GPC5: variants seen among roughly 807,000 people sequenced by gnomAD.
The protein encoded by GPC5 is glypican 5.
A neutral mutation model predicts 53.9 loss-of-function variants in GPC5; 47 were observed. The ratio of observed to expected loss-of-function variants is 0.87; its 90% CI spans 0.69 to 1.11. The LOEUF is 1.11. GPC5 is among the 50% of genes most tolerant of loss of function. The pLI is 0.00. For missense variants in GPC5, 748 were observed against 713.1 expected, an observed-to-expected ratio of 1.05 and a Z score of -0.56; for synonymous variants, 286 against 263.3, an observed-to-expected ratio of 1.09 and a Z score of -0.84.
intron 7 of GPC5, among the ~76,000 whole-genome samples, chr13:92,483,817 G>A (rs985835210): frequency 2.4e-4 from 36 of 149,482 alleles, no homozygotes; most frequent in African/African-American, 6.9e-4. Flanking sequence ...TATTAAAAGC[G>A]AAGACACAAA....
chr13:91,939,957 C>A (rs907913532), intron 6 of GPC5, among the ~76,000 whole-genome samples: 2 of 152,086 alleles, frequency 1.3e-5, no homozygotes, highest in African/African-American at 4.8e-5. Context: ...CTGTTTAGAC[C>A]TCCCATCTTT....
At chr13:91,859,165 T>C (rs968317114) in intron 5 of GPC5, among the ~76,000 whole-genome samples, 5 of 151,904 alleles carry the variant, frequency 3.3e-5, no homozygotes, top group Admixed American at 6.6e-5. Context: ...TTATCTTCAT[T>C]CTTTCCTTTC....
chr13:91,743,259 T>A (rs2036975480), intron 4 of GPC5, among the ~76,000 whole-genome samples: 1 of 152,182 alleles, frequency 6.6e-6, no homozygotes, highest in Non-Finnish European at 1.5e-5. Context: ...TTTACTGAAC[T>A]TCTAGAAGAG....
intron 6 of GPC5, among the ~76,000 whole-genome samples, chr13:91,934,929 G>T (rs905596230): frequency 6.6e-6 from 1 of 151,890 alleles, no homozygotes; most frequent in Non-Finnish European, 1.5e-5. Context: ...TAATAGATAC[G>T]CATAATAGAT....
chr13:92,424,937 G>T (rs1407655763), intron 7 of GPC5, among the ~76,000 whole-genome samples: 2 of 152,026 alleles, frequency 1.3e-5, no homozygotes, highest in African/African-American at 4.8e-5. Context: ...GCTTCAAAGG[G>T]CAAGTAGATG....
intron 2 of GPC5, among the ~76,000 whole-genome samples, chr13:91,607,131 A>T (rs1232371814): frequency 6.6e-6 from 1 of 152,142 alleles, no homozygotes; most frequent in East Asian, 1.9e-4. Flanking sequence ...CCTTCTGAGG[A>T]AATATTTGAA....
At chr13:92,430,521 A>C (rs1051715681) in intron 7 of GPC5, among the ~76,000 whole-genome samples, 1 of 152,134 alleles carries the variant, frequency 6.6e-6, no homozygotes, top group African/African-American at 2.4e-5. Flanking sequence ...TGAAACAGAC[A>C]TATCTGAGCC....
intron 6 of GPC5, among the ~76,000 whole-genome samples, chr13:91,966,954 A>G (rs2040186688): frequency 6.6e-6 from 1 of 152,198 alleles, no homozygotes; most frequent in Non-Finnish European, 1.5e-5. Flanking sequence ...ACTATTTCCT[A>G]TATGTTAAAG....
intron 7 of GPC5, among the ~76,000 whole-genome samples, chr13:92,741,665 C>T (rs1380946343): frequency 6.6e-6 from 1 of 151,944 alleles, no homozygotes; most frequent in Non-Finnish European, 1.5e-5. Flanking sequence ...TATACATGTG[C>T]CATGTTGCTG....
At chr13:91,897,701 A>G (rs968022525) in intron 5 of GPC5, among the ~76,000 whole-genome samples, 1 of 152,206 alleles carries the variant, frequency 6.6e-6, no homozygotes, top group Non-Finnish European at 1.5e-5. Flanking sequence ...AAGGAAAAAA[A>G]TTCCATTAAA....
Position 92,732,685 on chromosome 13 carries a change from A to G in GPC5, c.1562-133597A>G, listed in dbSNP as rs142309749. Among the ~76,000 whole-genome samples the G allele has an allele frequency of 6.1e-3, 927 of 151,860 alleles. 12 individuals carry two copies. The highest frequency in any genetic ancestry group is 0.021 in the African/African-American group (885 of 41,514). ...AGACAATTCCTTGAAGATAATTCAC[A>G]TCTTAAGGAATGAAAGAAGTTAATC... On this transcript the variant is annotated intron_variant, in intron 7 of 7. Transcript: ENST00000377067.
At chr13:91,982,048 G>T (rs925654696) in intron 6 of GPC5, among the ~76,000 whole-genome samples, 8 of 152,132 alleles carry the variant, frequency 5.3e-5, no homozygotes, top group Non-Finnish European at 1.0e-4. Context: ...TAGTAGATAC[G>T]TAATCCAAAA....
At chr13:92,513,630 A>G (rs1426331943) in intron 7 of GPC5, among the ~76,000 whole-genome samples, 1 of 151,124 alleles carries the variant, frequency 6.6e-6, no homozygotes, top group Non-Finnish European at 1.5e-5. Flanking sequence ...AAATGGTTTT[A>G]CAGGTTGAGT....
intron 7 of GPC5, among the ~76,000 whole-genome samples, chr13:92,498,394 G>A (rs1255557946): frequency 6.6e-6 from 1 of 152,072 alleles, no homozygotes; most frequent in Non-Finnish European, 1.5e-5. Context: ...AGTGTTCCTA[G>A]AGAAAGATCA....
intron 7 of GPC5, among the ~76,000 whole-genome samples, chr13:92,838,937 A>T (rs1302633590): frequency 1.3e-5 from 2 of 152,310 alleles, no homozygotes; most frequent in East Asian, 3.9e-4. Context: ...TCAGCACAAT[A>T]CTCATACTTG....
chr13:91,617,835 C>G (rs1331600108), intron 2 of GPC5, among the ~76,000 whole-genome samples: 1 of 152,112 alleles, frequency 6.6e-6, no homozygotes, highest in Non-Finnish European at 1.5e-5. Context: ...TGCAAGTCAT[C>G]TAGTCTTTAT....
chr13:92,595,851 T>C (rs1287140064), intron 7 of GPC5, among the ~76,000 whole-genome samples: 2 of 152,138 alleles, frequency 1.3e-5, no homozygotes, highest in Non-Finnish European at 2.9e-5. Flanking sequence ...TATATATTTT[T>C]AGTGAACCTC....
chr13:91,712,312 GTA>G (rs1368984482), intron 3 of GPC5, among the ~76,000 whole-genome samples: 2 of 151,544 alleles, frequency 1.3e-5, no homozygotes, highest in African/African-American at 2.4e-5. Context: ...GTGTGTGTGT[GTA>G]TATGTGTGTG....
At chr13:92,007,223 A>T (rs774262514) in intron 6 of GPC5, among the ~76,000 whole-genome samples, 1 of 152,180 alleles carries the variant, frequency 6.6e-6, no homozygotes, top group Non-Finnish European at 1.5e-5. Flanking sequence ...AGGCCAGCAT[A>T]CATATTTTAA....
Sources: allele counts gnomAD v4.1 joint callset (sites outside exome capture counted in the v4.1 genomes callset), GRCh38; gene constraint gnomAD v4.1.1; transcripts MANE v1.5; gene names NCBI Gene and HGNC (gene_info 2026-07-23, HGNC 2026-07-21).